TMEM132D: variants seen among roughly 807,000 people sequenced by gnomAD.
The protein encoded by TMEM132D is transmembrane protein 132D.
TMEM132D carries 21 observed loss-of-function variants against 62.3 expected under a neutral mutation model. The ratio of observed to expected loss-of-function variants is 0.34; its 90% CI spans 0.24 to 0.49. TMEM132D has a LOEUF of 0.49. TMEM132D is among the 20% of genes least tolerant of loss of function. The pLI is 0.99. For synonymous variants in TMEM132D, 621 were observed against 575.6 expected, an observed-to-expected ratio of 1.08 and a Z score of -1.13; for missense variants, 1,346 against 1,402.8, an observed-to-expected ratio of 0.96 and a Z score of 0.65.
intron 4 of TMEM132D, among the ~76,000 whole-genome samples, chr12:129,238,329 G>T (rs1359752566): frequency 1.3e-5 from 2 of 152,194 alleles, no homozygotes; most frequent in East Asian, 3.9e-4. Flanking sequence ...TTAAAATTAC[G>T]ATAAAATACA....
At chr12:129,090,255 G>A (rs187205862) in intron 5 of TMEM132D, among the ~76,000 whole-genome samples, 96 of 152,276 alleles carry the variant, frequency 6.3e-4, no homozygotes, top group African/African-American at 2.2e-3. Flanking sequence ...ATCATCTGTG[G>A]CCTGGCCACA....
rs559632741 is a variant in TMEM132D at position 129,348,032 on chromosome 12, G to A, written c.1116-10215C>T. On this transcript the variant is annotated intron_variant, in intron 3 of 8. Coordinates refer to ENST00000422113, the MANE Select transcript of TMEM132D (RefSeq NM_133448.3). ...ACCATCTCCTGCCAGTCAGAATGGC[G>A]ATCATTAAAAAGTCAGGAAACAACA... Among the ~76,000 whole-genome samples the A allele has an allele frequency of 7.9e-5, 12 of 152,236 alleles. 1 individual carries two copies. The South Asian group carries it at 2.5e-3, about 32-fold the overall frequency.
chr12:129,336,333 T>C (rs1327861525), intron 4 of TMEM132D, among the ~76,000 whole-genome samples: 1 of 152,096 alleles, frequency 6.6e-6, no homozygotes, highest in Non-Finnish European at 1.5e-5. Context: ...ATCCCAGTAC[T>C]TTGGGAGGCT....
chr12:129,832,033 C>A (rs1208529592), intron 1 of TMEM132D, among the ~76,000 whole-genome samples: 1 of 72,890 alleles, frequency 1.4e-5, no homozygotes, highest in South Asian at 6.7e-4. Context: ...CCATGCCCGG[C>A]TCTTTTTTTT....
chr12:129,603,033 C>T (rs1878523821), intron 2 of TMEM132D, among the ~76,000 whole-genome samples: 1 of 152,110 alleles, frequency 6.6e-6, no homozygotes, highest in African/African-American at 2.4e-5. Flanking sequence ...CCACCAGGTC[C>T]CTCCCTCGCA....
At chr12:129,440,084 C>T (rs1307151180) in intron 3 of TMEM132D, among the ~76,000 whole-genome samples, 2 of 152,178 alleles carry the variant, frequency 1.3e-5, no homozygotes, top group African/African-American at 2.4e-5. Context: ...GAGAGGACAA[C>T]GCCAACCTCT....
At chr12:129,835,121 A>G (rs530644787) in intron 1 of TMEM132D, among the ~76,000 whole-genome samples, 2 of 152,308 alleles carry the variant, frequency 1.3e-5, no homozygotes, top group East Asian at 3.9e-4. Flanking sequence ...TAGCAAAGGC[A>G]TTAGGATCGG....
At chr12:129,509,282 TATTAA>T (rs565399705) in intron 3 of TMEM132D, among the ~76,000 whole-genome samples, 12 of 152,308 alleles carry the variant, frequency 7.9e-5, no homozygotes, top group East Asian at 3.9e-4. Context: ...TTATTAAATT[TATTAA>T]ATTAAATTTA....
At chr12:129,204,847 G>A (rs1192807848) in intron 5 of TMEM132D, among the ~76,000 whole-genome samples, 1 of 152,170 alleles carries the variant, frequency 6.6e-6, no homozygotes, top group Non-Finnish European at 1.5e-5. Flanking sequence ...AACCCTACAT[G>A]CCAGAAGAGA....
Position 129,903,472 on chromosome 12 carries a change from G to A in TMEM132D, c.-133C>T. ...CCCGGCTAGGGGCCCGAGCAGCCCG[G>A]GCGCCCTGCTCCCTCTTCCCGCCAG... On this transcript the variant is annotated 5_prime_UTR_variant, in exon 1 of 9. Coordinates refer to ENST00000422113, the MANE Select transcript of TMEM132D (RefSeq NM_133448.3). This position sits in a 1 kb window ranked among gnomAD's most constrained non-coding sequence, Gnocchi z 6.2. The A allele has an allele frequency of 1.1e-6, 1 of 911,190 alleles. No homozygotes were observed. The highest frequency in any genetic ancestry group is 2.7e-5 in the East Asian group (1 of 37,560). The allele number at this position is 911,190 out of a possible 1,614,324, so 56.4% of individuals were successfully genotyped here.
intron 1 of TMEM132D, among the ~76,000 whole-genome samples, chr12:129,794,253 A>ATT (rs3046861): frequency 0.49 from 54,425 of 111,280 alleles, 14,969 homozygotes; most frequent in Non-Finnish European, 0.63. Flanking sequence ...CATGCCCAGC[A>ATT]TTTTTTTTTT....
At chr12:129,346,996 A>T (rs181254170) in intron 3 of TMEM132D, among the ~76,000 whole-genome samples, 1 of 152,216 alleles carries the variant, frequency 6.6e-6, no homozygotes, top group Non-Finnish European at 1.5e-5. Context: ...AATACAACTT[A>T]TGAGGGACGT....
At chr12:129,746,033 T>C (rs1410602457) in intron 1 of TMEM132D, among the ~76,000 whole-genome samples, 1 of 152,016 alleles carries the variant, frequency 6.6e-6, no homozygotes, top group African/African-American at 2.4e-5. Context: ...ATGAGAGAGA[T>C]CCAGAAGGAG....
At chr12:129,166,915 G>A (rs1877578880) in intron 5 of TMEM132D, among the ~76,000 whole-genome samples, 1 of 152,050 alleles carries the variant, frequency 6.6e-6, no homozygotes, top group Non-Finnish European at 1.5e-5. Flanking sequence ...TGTAATCCCA[G>A]CACTTTGGGA....
chr12:129,174,368 G>A (rs1339541659), intron 5 of TMEM132D, among the ~76,000 whole-genome samples: 1 of 152,102 alleles, frequency 6.6e-6, no homozygotes, highest in African/African-American at 2.4e-5. Flanking sequence ...TGAGGATGAT[G>A]GTTTCCAGCT....
At chr12:129,517,402 T>C (rs1013649173) in intron 3 of TMEM132D, among the ~76,000 whole-genome samples, 1 of 152,106 alleles carries the variant, frequency 6.6e-6, no homozygotes, top group Non-Finnish European at 1.5e-5. Flanking sequence ...GTTCAAAGGG[T>C]CTAAAGGTAG....
chr12:129,302,033 G>A (rs2135628059), intron 4 of TMEM132D, among the ~76,000 whole-genome samples: 1 of 152,146 alleles, frequency 6.6e-6, no homozygotes, highest in East Asian at 1.9e-4. Context: ...CAGCTACTGT[G>A]AATCCCAGTG....
rs180979566 is a variant in TMEM132D at position 129,637,223 on chromosome 12, T to A, written c.968+62587A>T. On this transcript the variant is annotated intron_variant, in intron 2 of 8. Transcript: ENST00000422113. ...AATTACTCTGTTCATTTGTTTCAGG[T>A]ATGTTGTATTCAAATCTATACTTTG... Among the ~76,000 whole-genome samples the A allele has an allele frequency of 4.6e-5, 7 of 152,330 alleles. No individual in the cohort carries two copies. The East Asian group carries it at 1.3e-3, about 29-fold the overall frequency.
intron 7 of TMEM132D, among the ~76,000 whole-genome samples, chr12:129,080,635 G>A (rs963638461): frequency 1.3e-5 from 2 of 152,096 alleles, no homozygotes; most frequent in South Asian, 2.1e-4. Context: ...TAAGACAATC[G>A]CATTGCCTGC....
Sources: gnomAD v4.1 joint callset for allele counts (sites outside exome capture counted in the v4.1 genomes callset) on GRCh38, gnomAD v4.1.1 for gene constraint, Gnocchi (gnomAD v3.1) non-coding constraint, MANE v1.5 for transcripts, NCBI Gene and HGNC (gene_info 2026-07-23, HGNC 2026-07-21) for gene names.